NECTIN2: variants seen among roughly 807,000 people sequenced by gnomAD.
NECTIN2 encodes nectin-2.
In NECTIN2, 23 loss-of-function variants were observed where a neutral mutation model predicts 56.9. That is an observed-to-expected ratio of 0.40 (90% CI 0.29 to 0.57). NECTIN2 has a LOEUF of 0.57. Among genes scored for constraint, NECTIN2 ranks in the 20% least tolerant of loss-of-function variants. The pLI, the probability that NECTIN2 is intolerant of heterozygous loss-of-function variation, is 0.38. For synonymous variants in NECTIN2, 302 were observed against 313.8 expected, an observed-to-expected ratio of 0.96 and a Z score of 0.40; for missense variants, 587 against 718.3, an observed-to-expected ratio of 0.82 and a Z score of 2.09.
chr19:44,861,963 A>G (rs537868183), intron 1 of NECTIN2, among the ~76,000 whole-genome samples: 1 of 152,234 alleles, frequency 6.6e-6, no homozygotes, highest in Non-Finnish European at 1.5e-5. Flanking sequence ...AGAACCAGAA[A>G]TACCATTTGA....
chr19:44,886,338 CG>C, intron 8 of NECTIN2, 119 bp downstream of exon 8: 1 of 789,180 alleles, frequency 1.3e-6, no homozygotes. Context: ...GGTGTGTCCC[CG>C]GTTGGTGCTT....
At chr19:44,879,871 C>T (rs1969288754) in intron 5 of NECTIN2, among the ~76,000 whole-genome samples, 1 of 152,216 alleles carries the variant, frequency 6.6e-6, no homozygotes, top group African/African-American at 2.4e-5. Context: ...GCTGGGGCTG[C>T]AGCTGTGGCC....
chr19:44,848,892 C>A (rs372411429), intron 1 of NECTIN2, among the ~76,000 whole-genome samples: 1 of 152,156 alleles, frequency 6.6e-6, no homozygotes, highest in Non-Finnish European at 1.5e-5. Context: ...GGGTGCACCA[C>A]CTGGGCCCCC....
At chr19:44,867,145 A>G (rs1969110541) in intron 2 of NECTIN2, among the ~76,000 whole-genome samples, 1 of 151,868 alleles carries the variant, frequency 6.6e-6, no homozygotes, top group African/African-American at 2.4e-5. Flanking sequence ...CAGCCTCCCA[A>G]GTAGCTGGGA....
intron 5 of NECTIN2, chr19:44,878,418 A>G (rs1490802852): frequency 1.9e-6 from 3 of 1,575,920 alleles, no homozygotes; most frequent in Non-Finnish European, 2.6e-6. Context: ...CCGAAAGCTC[A>G]GGTGTTGGGA....
At chr19:44,853,495 C>CTT (rs199956232) in intron 1 of NECTIN2, among the ~76,000 whole-genome samples, 52 of 135,354 alleles carry the variant, frequency 3.8e-4, no homozygotes, top group East Asian at 1.1e-3. Context: ...ACAGCTGGCC[C>CTT]TTTTTTTTTT....
In NECTIN2 at chr19:44,872,681, G is replaced by A. The variant is rs577189283; in HGVS notation, c.775+532G>A. On this transcript the variant is annotated intron_variant, in intron 3 of 8. Coordinates refer to ENST00000252483, the MANE Select transcript of NECTIN2 (RefSeq NM_001042724.2). The stretch of plus-strand genomic sequence containing the variant: ...TGTCTACACTGCCCAACCTAACATC[G>A]TCTCCACACCTTCCCATACTTCTGC... 1.8e-4 allele frequency among the ~76,000 whole-genome samples: 27 copies of A among 151,650 alleles called. No individual in the cohort carries two copies. The South Asian group carries it at 2.9e-3, about 16-fold the overall frequency.
chr19:44,880,583 G>T (rs1191778983), intron 5 of NECTIN2, among the ~76,000 whole-genome samples: 1 of 132,112 alleles, frequency 7.6e-6, no homozygotes, highest in Non-Finnish European at 1.5e-5. Flanking sequence ...CACCTCCCAA[G>T]TTCAAGCAAT....
intron 1 of NECTIN2, among the ~76,000 whole-genome samples, chr19:44,855,141 G>C (rs1248481227): frequency 7.4e-6 from 1 of 135,638 alleles, no homozygotes; most frequent in Non-Finnish European, 1.6e-5. Flanking sequence ...AGAACTCTGA[G>C]TCAGCCTGGC....
chr19:44,866,759 C>T (rs1426738914), intron 2 of NECTIN2, among the ~76,000 whole-genome samples: 1 of 152,068 alleles, frequency 6.6e-6, no homozygotes, highest in East Asian at 1.9e-4. Context: ...AGGATAAGAG[C>T]TGTAGTAGGT....
In NECTIN2 at chr19:44,874,372, C is replaced by T. The variant is rs774307836; in HGVS notation, c.936C>T (p.Ser312=). ...TFPTSAVAQG[S]QLVIHAVDSL... is the part of the protein sequence containing the mutation. ...CGACCTCCGCAGTGGCCCAGGGCTC[C>T]CAGCTGGTCATCCACGCAGTGGACA... is the stretch of plus-strand genomic sequence containing the variant. The change falls in exon 5 of 9, where the codon TCC becomes TCT. Residue 312 remains serine (S), a synonymous_variant. Coordinates refer to ENST00000252483, the MANE Select transcript of NECTIN2 (RefSeq NM_001042724.2). The surrounding 1 kb of genome is among the most constrained non-coding windows in gnomAD (Gnocchi z 6.3). 7 of 1,614,060 alleles carry T rather than the reference C, an allele frequency of 4.3e-6. No homozygotes were observed. In the African/African-American group the frequency reaches 9.3e-5, roughly 22 times the overall value.
In NECTIN2 at chr19:44,873,867, C is replaced by T. The variant is rs752907200; in HGVS notation, c.776-49C>T. ...CTGTCTATCTGCTAACTTGTCCACC[C>T]GCTCTGGGATTCTCCTCCTTGCTGA... On this transcript the variant is annotated intron_variant, in intron 3 of 8. Coordinates refer to ENST00000252483, the MANE Select transcript of NECTIN2 (RefSeq NM_001042724.2). 41 of 1,427,456 alleles carry T rather than the reference C, an allele frequency of 2.9e-5. No individual in the cohort carries two copies. In the Middle Eastern group the frequency reaches 8.8e-4, roughly 31 times the overall value. 88.4% of individuals were successfully genotyped at this position (1,427,456 alleles called of 1,614,324 possible). A position where few individuals can be genotyped will look rare whatever the true frequency, so the allele number is the denominator to read the frequency against.
At chr19:44,862,410 G>A (rs900332954) in intron 1 of NECTIN2, among the ~76,000 whole-genome samples, 16 of 146,184 alleles carry the variant, frequency 1.1e-4, no homozygotes, top group African/African-American at 3.6e-4. Flanking sequence ...GTGAGACTCC[G>A]TCTCAAAAAA....
intron 6 of NECTIN2, among the ~76,000 whole-genome samples, chr19:44,883,407 T>G (rs1969329178): frequency 6.6e-6 from 1 of 152,170 alleles, no homozygotes; most frequent in Admixed American, 6.5e-5. Context: ...CTCGAGTAGC[T>G]GGGATTACAG....
At chr19:44,876,034 G>A (rs1387540511) in intron 5 of NECTIN2, among the ~76,000 whole-genome samples, 1 of 152,112 alleles carries the variant, frequency 6.6e-6, no homozygotes, top group East Asian at 1.9e-4. Flanking sequence ...CAGACCCTCA[G>A]ACGGAAAATC....
chr19:44,860,471 A>G lies in NECTIN2; in HGVS notation c.89-4800A>G, dbSNP rs372459222. ...GTTTGCAGTGAGCAGAAATCGCGCC[A>G]TTGCACGCCAGCATGGACAGAGTGA... is the stretch of plus-strand genomic sequence containing the variant. On this transcript the variant is annotated intron_variant, in intron 1 of 8. Coordinates refer to ENST00000252483, the MANE Select transcript of NECTIN2 (RefSeq NM_001042724.2). 1.2e-4 allele frequency among the ~76,000 whole-genome samples: 19 copies of G among 152,262 alleles called. No homozygotes were observed. In the South Asian group the frequency reaches 3.9e-3, roughly 32 times the overall value.
At chr19:44,862,885 C>G (rs1162776123) in intron 1 of NECTIN2, among the ~76,000 whole-genome samples, 1 of 151,174 alleles carries the variant, frequency 6.6e-6, no homozygotes. Context: ...CGCGGTGGCT[C>G]ACGCCTGTAA....
Position 44,884,951 on chromosome 19 carries a change from C to A in NECTIN2, c.1197-986C>A, listed in dbSNP as rs145678765. Among the ~76,000 whole-genome samples the A allele has an allele frequency of 1.2e-3, 189 of 152,268 alleles. 1 individual carries two copies. Among genetic ancestry groups the A allele is most frequent in the African/African-American group, 4.0e-3 (166 of 41,540 alleles). ...CTCCTCATAGTGGATTCTGGAGACA[C>A]CTTGCTGACGACCCAGATCTTTCTT... On this transcript the variant is annotated intron_variant, in intron 6 of 8. Coordinates refer to ENST00000252483, the MANE Select transcript of NECTIN2 (RefSeq NM_001042724.2).
At chr19:44,850,008 G>C (rs1201928244) in intron 1 of NECTIN2, among the ~76,000 whole-genome samples, 1 of 152,204 alleles carries the variant, frequency 6.6e-6, no homozygotes, top group Non-Finnish European at 1.5e-5. Context: ...AAGAGGCACA[G>C]AGCAGAGACC....
Sources: gnomAD v4.1 joint callset for allele counts (sites outside exome capture counted in the v4.1 genomes callset) on GRCh38, gnomAD v4.1.1 for gene constraint, Gnocchi (gnomAD v3.1) non-coding constraint, MANE v1.5 for transcripts, NCBI Gene and HGNC (gene_info 2026-07-23, HGNC 2026-07-21) for gene names.